Variants in RPTOR observed in about 807,000 individuals in gnomAD.
RPTOR encodes regulatory associated protein of MTOR complex 1.
RPTOR carries 21 observed loss-of-function variants against 169.9 expected under a neutral mutation model. The ratio of observed to expected loss-of-function variants is 0.12; its 90% CI spans 0.09 to 0.18. The LOEUF is 0.18. Among genes scored for constraint, RPTOR ranks in the 10% least tolerant of loss-of-function variants. RPTOR has a pLI of 1.00. For missense variants in RPTOR, 1,133 were observed against 1,855.9 expected, an observed-to-expected ratio of 0.61 and a Z score of 7.16; for synonymous variants, 732 against 753.2, an observed-to-expected ratio of 0.97 and a Z score of 0.46.
At chr17:80,737,227 G>C (rs774797966) in intron 5 of RPTOR, among the ~76,000 whole-genome samples, 2 of 152,168 alleles carry the variant, frequency 1.3e-5, no homozygotes, top group Non-Finnish European at 2.9e-5. Context: ...CCATCACTGC[G>C]TGTCTGTGAC....
chr17:80,794,452 C>T (rs2067080787), intron 7 of RPTOR, among the ~76,000 whole-genome samples: 1 of 152,208 alleles, frequency 6.6e-6, no homozygotes, highest in South Asian at 2.1e-4. Context: ...TGAGAACTCA[C>T]ATCACAGCTG....
At position 80,583,196 on chromosome 17, in the gene RPTOR, T is replaced by TTGTTTTTTTTTTG. The variant is rs71163972; in HGVS notation, c.162+37406_162+37407insGTTTTTTTTTTGT. On this transcript the variant is annotated intron_variant, in intron 1 of 33. Coordinates refer to ENST00000306801, the MANE Select transcript of RPTOR (RefSeq NM_020761.3). ...GCCTCTTTCCTGTTTTTTTTTTTTT[T>TTGTTTTTTTTTTG]TTTTTTTTTTGAGACAGAGTCTTGC... 2.1e-4 allele frequency among the ~76,000 whole-genome samples: 29 copies of TTGTTTTTTTTTTG among 137,372 alleles called. 1 individual carries two copies. Among genetic ancestry groups the TTGTTTTTTTTTTG allele is most frequent in the Admixed American group, 3.0e-4 (4 of 13,486 alleles). The allele number at this position is 137,372 out of a possible 152,430, so 90.1% of individuals were successfully genotyped here. A position where few individuals can be genotyped will look rare whatever the true frequency, so the allele number is the denominator to read the frequency against.
chr17:80,927,162 G>A (rs1184930807), intron 24 of RPTOR, among the ~76,000 whole-genome samples: 1 of 152,252 alleles, frequency 6.6e-6, no homozygotes, highest in Non-Finnish European at 1.5e-5. Flanking sequence ...CTGGGAGGTG[G>A]CTGGACACTG....
chr17:80,881,000 T>C (rs1332459893), intron 14 of RPTOR, among the ~76,000 whole-genome samples: 2 of 152,368 alleles, frequency 1.3e-5, no homozygotes, highest in South Asian at 2.1e-4. Flanking sequence ...GTTTGAAAAT[T>C]AGTAATCCAT....
At chr17:80,843,306 T>C (rs577032809) in intron 10 of RPTOR, among the ~76,000 whole-genome samples, 2 of 152,146 alleles carry the variant, frequency 1.3e-5, no homozygotes, top group Non-Finnish European at 2.9e-5. Flanking sequence ...CTATAAAAAT[T>C]GAGGTTTTCA....
intron 21 of RPTOR, among the ~76,000 whole-genome samples, chr17:80,916,852 G>A (rs2068679322): frequency 6.6e-6 from 1 of 152,108 alleles, no homozygotes; most frequent in Non-Finnish European, 1.5e-5. Flanking sequence ...GCTAGGTGTG[G>A]TGATGCACTC....
chr17:80,778,735 A>G (rs2066913009), intron 6 of RPTOR, among the ~76,000 whole-genome samples: 1 of 152,260 alleles, frequency 6.6e-6, no homozygotes, highest in East Asian at 1.9e-4. Context: ...GGAGTTCACC[A>G]CTACCGTGAG....
chr17:80,880,211 G>A (rs1287143002), intron 13 of RPTOR, among the ~76,000 whole-genome samples: 2 of 152,158 alleles, frequency 1.3e-5, no homozygotes, highest in Admixed American at 1.3e-4. Context: ...CTGGGCGTTC[G>A]TGGGATCCCT....
At chr17:80,645,366 C>T (rs1428864874) in intron 3 of RPTOR, among the ~76,000 whole-genome samples, 1 of 152,144 alleles carries the variant, frequency 6.6e-6, no homozygotes, top group Non-Finnish European at 1.5e-5. Context: ...TTACTAGATA[C>T]CTTTGTTTAA....
chr17:80,754,460 G>A lies in RPTOR; in HGVS notation c.830+275G>A, dbSNP rs556517764. On this transcript the variant is annotated intron_variant, in intron 6 of 33. Transcript: ENST00000306801. The surrounding 1 kb of genome is among the most constrained non-coding windows in gnomAD (Gnocchi z 4.2). Reference sequence around the variant, plus strand: ...CCCTCTCCTTACCTTTGTTCACTGCGGAGGCGTCTTAGTACCAGGATAGGT... The same window carrying A: ...CCCTCTCCTTACCTTTGTTCACTGCAGAGGCGTCTTAGTACCAGGATAGGT... Among the ~76,000 whole-genome samples the A allele has an allele frequency of 3.9e-5, 6 of 152,138 alleles. No individual in the cohort carries two copies. Among genetic ancestry groups the A allele is most frequent in the Non-Finnish European group, 5.9e-5 (4 of 68,032 alleles).
chr17:80,728,172 C>T (rs1289432143), intron 4 of RPTOR, among the ~76,000 whole-genome samples: 1 of 152,038 alleles, frequency 6.6e-6, no homozygotes, highest in Non-Finnish European at 1.5e-5. Flanking sequence ...TATGTTTTGC[C>T]TGTTTGTTTT....
At chr17:80,919,546 A>G (rs940435913) in intron 21 of RPTOR, among the ~76,000 whole-genome samples, 2 of 152,224 alleles carry the variant, frequency 1.3e-5, no homozygotes, top group African/African-American at 4.8e-5. Context: ...CGGTATTTTC[A>G]TCTGCATTGG....
chr17:80,817,811 AG>A (rs1354403423), intron 7 of RPTOR, among the ~76,000 whole-genome samples: 1 of 152,102 alleles, frequency 6.6e-6, no homozygotes, highest in Non-Finnish European at 1.5e-5. Context: ...GGGAAGAAGA[AG>A]GGGCCTTAGG....
In RPTOR at chr17:80,861,869, G is replaced by GCCTTCCTCGTA. The variant is rs2067920497; in HGVS notation, c.1509+3980_1509+3990dup. Among the ~76,000 whole-genome samples, 1 of 152,210 alleles carries GCCTTCCTCGTA rather than the reference G, an allele frequency of 6.6e-6. No homozygotes were observed. Among genetic ancestry groups the GCCTTCCTCGTA allele is most frequent in the African/African-American group, 2.4e-5 (1 of 41,442 alleles). ...GGGTGGCTCTTGGTGAAAGGGGACAGCCTTCCTCGTACCTTCCTCGTGACA... is the reference window on the plus strand; with the variant it reads ...GGGTGGCTCTTGGTGAAAGGGGACAGCCTTCCTCGTACCTTCCTCGTACCTTCCTCGTGACA... On this transcript the variant is annotated intron_variant, in intron 13 of 33. Transcript: ENST00000306801. The surrounding 1 kb of genome is among the most constrained non-coding windows in gnomAD (Gnocchi z 4.5).
chr17:80,890,132 GA>G (rs1203787043), intron 17 of RPTOR, among the ~76,000 whole-genome samples: 4 of 150,734 alleles, frequency 2.7e-5, no homozygotes, highest in African/African-American at 7.3e-5. Flanking sequence ...GTGTGTTCGG[GA>G]GTGAGTGCTC....
chr17:80,823,008 T>G lies in RPTOR; in HGVS notation c.992-71T>G. 2 of 1,527,258 alleles carry G rather than the reference T, an allele frequency of 1.3e-6. No individual in the cohort carries two copies. The highest frequency in any genetic ancestry group is 4.5e-5 in the East Asian group (2 of 44,160). 94.6% of individuals were successfully genotyped at this position (1,527,258 alleles called of 1,614,324 possible). Reference sequence around the variant, plus strand: ...TTTAGTAATTTTTGATAGAAGTGAATTTGTGTATTTGGCTTTAAATGCTAG... The same window carrying G: ...TTTAGTAATTTTTGATAGAAGTGAAGTTGTGTATTTGGCTTTAAATGCTAG... On this transcript the variant is annotated intron_variant, in intron 8 of 33. Transcript: ENST00000306801. The surrounding 1 kb of genome is among the most constrained non-coding windows in gnomAD (Gnocchi z 4.5).
rs550655588 is a variant in RPTOR at position 80,876,919 on chromosome 17, C to T, written c.1510-3496C>T. Among the ~76,000 whole-genome samples, 372 of 120,040 alleles carry T rather than the reference C, an allele frequency of 3.1e-3. 4 individuals are homozygous for T. The highest frequency in any genetic ancestry group is 0.011 in the African/African-American group (334 of 30,676). 78.8% of individuals were successfully genotyped at this position (120,040 alleles called of 152,430 possible). ...CATGCAGGGTGTGTGTGTCGCCTGCCGGGTCTTCCCACCGAGCCCGTGCCA... is the reference window on the plus strand; with the variant it reads ...CATGCAGGGTGTGTGTGTCGCCTGCTGGGTCTTCCCACCGAGCCCGTGCCA... On this transcript the variant is annotated intron_variant, in intron 13 of 33. Transcript: ENST00000306801.
intron 1 of RPTOR, among the ~76,000 whole-genome samples, chr17:80,605,944 G>A (rs1275266566): frequency 6.6e-6 from 1 of 152,150 alleles, no homozygotes; most frequent in African/African-American, 2.4e-5. Context: ...AAAGCTTGAG[G>A]TGTTGGTAGG....
intron 3 of RPTOR, among the ~76,000 whole-genome samples, chr17:80,706,066 T>C (rs1465613632): frequency 6.6e-6 from 1 of 152,242 alleles, no homozygotes; most frequent in Non-Finnish European, 1.5e-5. Context: ...TAGTTGTTTT[T>C]AAAAGAAAGT....
Sources: gnomAD v4.1 joint callset for allele counts (sites outside exome capture counted in the v4.1 genomes callset) on GRCh38, gnomAD v4.1.1 for gene constraint, Gnocchi (gnomAD v3.1) non-coding constraint, MANE v1.5 for transcripts, NCBI Gene and HGNC (gene_info 2026-07-23, HGNC 2026-07-21) for gene names.